RBFOX1: variants seen among roughly 807,000 people sequenced by gnomAD.
The protein encoded by RBFOX1 is RNA binding fox-1 homolog 1, also known as RNA binding protein fox-1 homolog 1.
A neutral mutation model predicts 57.7 loss-of-function variants in RBFOX1; 8 were observed. The ratio of observed to expected loss-of-function variants is 0.14; its 90% CI spans 0.08 to 0.25. The LOEUF is 0.25. Among genes scored for constraint, RBFOX1 ranks in the 10% least tolerant of loss-of-function variants. The pLI is 1.00. For synonymous variants in RBFOX1, 326 were observed against 222.4 expected (o/e 1.47, Z -4.15); for missense variants, 611 against 548.5 (o/e 1.11, Z -1.14).
chr16:7,381,634 T>A (rs1323367819), intron 4 of RBFOX1, among the ~76,000 whole-genome samples: 1 of 152,206 alleles, frequency 6.6e-6, no homozygotes, highest in African/African-American at 2.4e-5. Context: ...ATGTTGCTTT[T>A]ATTATTTTTC....
chr16:7,395,042 G>A (rs2098118676), intron 4 of RBFOX1, among the ~76,000 whole-genome samples: 1 of 152,174 alleles, frequency 6.6e-6, no homozygotes, highest in African/African-American at 2.4e-5. Context: ...TAATAAGTTT[G>A]CCGCAGACTA....
At chr16:6,774,666 C>T (rs536104144) in intron 3 of RBFOX1, among the ~76,000 whole-genome samples, 1 of 152,130 alleles carries the variant, frequency 6.6e-6, no homozygotes, top group East Asian at 1.9e-4. Flanking sequence ...ATAGAGTATT[C>T]TTGACAGTAA....
chr16:7,606,285 C>T (rs2095283453), intron 9 of RBFOX1, among the ~76,000 whole-genome samples: 2 of 151,992 alleles, frequency 1.3e-5, no homozygotes, highest in South Asian at 2.1e-4. Flanking sequence ...TGATGCCTGG[C>T]TAATTTTTTG....
rs76261155 is a variant in RBFOX1, at chr16:6,590,250, T to C, written c.-63-64353T>C. ...TTTGATTCAGTTCGATTATCTTTCA[T>C]GATCCTCAGAAATTGTACTTTTCTC... On this transcript the variant is annotated intron_variant, in intron 2 of 15. Transcript: ENST00000550418. 2.0e-3 allele frequency among the ~76,000 whole-genome samples: 302 copies of C among 152,326 alleles called. 5 individuals carry two copies. The East Asian group carries it at 0.04, about 20-fold the overall frequency.
chr16:7,148,490 C>T (rs1340032408), intron 4 of RBFOX1, among the ~76,000 whole-genome samples: 5 of 152,208 alleles, frequency 3.3e-5, no homozygotes, highest in South Asian at 2.1e-4. Flanking sequence ...CTTTTTCACA[C>T]GCCGGCAGGA....
At chr16:5,926,804 A>G (rs1191460044) in intron 4 of RBFOX1, among the ~76,000 whole-genome samples, 1 of 152,246 alleles carries the variant, frequency 6.6e-6, no homozygotes, top group African/African-American at 2.4e-5. Flanking sequence ...TAACAATAAT[A>G]GAAAACAGTA....
intron 2 of RBFOX1, among the ~76,000 whole-genome samples, chr16:6,382,855 G>C (rs1420947889): frequency 1.3e-5 from 2 of 152,056 alleles, no homozygotes; most frequent in Non-Finnish European, 1.5e-5. Flanking sequence ...GTGAGACTCT[G>C]TCTCAAAAAA....
chr16:5,366,381 TGAAGAAATATATATGA>T (rs1276767277), intron 1 of RBFOX1: 1 of 396,786 alleles, frequency 2.5e-6, no homozygotes, highest in East Asian at 6.3e-5. Flanking sequence ...AAAGTACCAG[TGAAGAAATATATATGA>T]GATACTCCAG....
At chr16:6,216,544 A>G (rs1355285889) in intron 1 of RBFOX1, among the ~76,000 whole-genome samples, 2 of 152,224 alleles carry the variant, frequency 1.3e-5, no homozygotes, top group Non-Finnish European at 2.9e-5. Flanking sequence ...TCTGCTAGAA[A>G]TATCCACAAG....
chr16:5,653,926 C>T (rs540468986), intron 3 of RBFOX1, among the ~76,000 whole-genome samples: 1 of 152,276 alleles, frequency 6.6e-6, no homozygotes, highest in African/African-American at 2.4e-5. Context: ...AGTGTCTGCT[C>T]GTCTATTCTC....
intron 4 of RBFOX1, among the ~76,000 whole-genome samples, chr16:7,304,970 TTGTG>T (rs2096141589): frequency 7.0e-6 from 1 of 142,090 alleles, no homozygotes; most frequent in South Asian, 2.2e-4. Context: ...TTTCCTAAGT[TTGTG>T]TGGTGCTATA....
chr16:6,421,044 G>C (rs1043497678), intron 2 of RBFOX1, among the ~76,000 whole-genome samples: 1 of 152,116 alleles, frequency 6.6e-6, no homozygotes, highest in Non-Finnish European at 1.5e-5. Flanking sequence ...CTAATTGCTA[G>C]GCAATAGAAG....
intron 2 of RBFOX1, among the ~76,000 whole-genome samples, chr16:6,593,257 A>C (rs536307904): frequency 6.6e-6 from 1 of 152,232 alleles, no homozygotes; most frequent in South Asian, 2.1e-4. Flanking sequence ...TCTCTGCCCT[A>C]CTGGATCTCA....
At chr16:7,406,526 C>T (rs1434124188) in intron 4 of RBFOX1, among the ~76,000 whole-genome samples, 3 of 152,100 alleles carry the variant, frequency 2.0e-5, no homozygotes, top group African/African-American at 7.2e-5. Flanking sequence ...TTTGAGTGGA[C>T]AGTAAATTAG....
At chr16:7,005,533 C>T (rs1005498702) in intron 3 of RBFOX1, among the ~76,000 whole-genome samples, 1 of 152,142 alleles carries the variant, frequency 6.6e-6, no homozygotes, top group Non-Finnish European at 1.5e-5. Flanking sequence ...GATAAGTGTT[C>T]TGTAATTTTT....
chr16:7,116,881 A>G (rs2066021617), intron 4 of RBFOX1, among the ~76,000 whole-genome samples: 1 of 152,088 alleles, frequency 6.6e-6, no homozygotes, highest in Non-Finnish European at 1.5e-5. Context: ...TCAACACAAG[A>G]TTTAAATAAT....
Position 7,196,111 on chromosome 16 carries a change from C to A in RBFOX1, c.27+144013C>A, listed in dbSNP as rs12927746. On this transcript the variant is annotated intron_variant, in intron 4 of 15. Transcript: ENST00000550418. ...TTATTGTTTGCTCTTTTCTCTTCATCATCCTACTCCTCCTCATTTTTCTAA... is the reference window on the plus strand; with the variant it reads ...TTATTGTTTGCTCTTTTCTCTTCATAATCCTACTCCTCCTCATTTTTCTAA... 7.7e-3 allele frequency among the ~76,000 whole-genome samples: 1,177 copies of A among 152,146 alleles called. 6 individuals carry two copies. The highest frequency in any genetic ancestry group is 0.012 in the Non-Finnish European group (839 of 68,014).
At chr16:6,859,119 A>ATATATATATATGTATATATATATATG (rs2058442693) in intron 3 of RBFOX1, among the ~76,000 whole-genome samples, 13,013 of 78,990 alleles carry the variant, frequency 0.16, 1,429 homozygotes, top group Admixed American at 0.2. Flanking sequence ...GTGTATATAT[A>ATATATATATATGTATATATATATATG]TATATATATA....
intron 2 of RBFOX1, among the ~76,000 whole-genome samples, chr16:5,505,211 C>T (rs556333261): frequency 3.9e-5 from 6 of 152,200 alleles, no homozygotes; most frequent in African/African-American, 1.4e-4. Context: ...CTTCTTGCCC[C>T]CTTCTCCTCT....
Sources: gnomAD v4.1 joint callset for allele counts (sites outside exome capture counted in the v4.1 genomes callset) on GRCh38, gnomAD v4.1.1 for gene constraint, MANE v1.5 for transcripts, NCBI Gene and HGNC (gene_info 2026-07-23, HGNC 2026-07-21) for gene names.